The following KLRG1 variants were observed in gnomAD, a reference collection of about 807,000 sequenced individuals.
KLRG1 encodes killer cell lectin like receptor G1.
Under a neutral mutation model 21.8 loss-of-function variants are expected in KLRG1, and 16 were observed. The observed-to-expected ratio is 0.73, with a 90% CI of 0.50 to 1.11. KLRG1 has a LOEUF of 1.11. KLRG1 is among the 50% of genes most tolerant of loss of function. The pLI is 0.00. For missense variants in KLRG1, 173 were observed against 218.3 expected (o/e 0.79, Z 1.31); for synonymous variants, 69 against 75.9 (o/e 0.91, Z 0.47).
chr12:9,169,674 A>G, the KLRG1 span: 1 of 1,296,682 alleles, frequency 7.7e-7, no homozygotes, highest in Non-Finnish European at 1.0e-6. Context: ...TAAAATAATT[A>G]TCACCAATCT....
chr12:9,036,161 G>A, the KLRG1 span, among the ~76,000 whole-genome samples: 1 of 152,114 alleles, frequency 6.6e-6, no homozygotes, highest in African/African-American at 2.4e-5. Flanking sequence ...AACACAAAAA[G>A]GAAAAAGTTT....
the KLRG1 span, among the ~76,000 whole-genome samples, chr12:9,187,098 A>T: frequency 2.0e-5 from 3 of 149,578 alleles, no homozygotes; most frequent in Non-Finnish European, 4.5e-5. Context: ...AAAAAAGACA[A>T]GAGAATTGCA....
chr12:9,067,981 A>G, the KLRG1 span: 1 of 979,322 alleles, frequency 1.0e-6, no homozygotes, highest in Non-Finnish European at 1.6e-6. Flanking sequence ...CCAAATCATT[A>G]CCCATAAGCA....
At chr12:9,130,584 T>C in the KLRG1 span, among the ~76,000 whole-genome samples, 1 of 152,236 alleles carries the variant, frequency 6.6e-6, no homozygotes, top group Non-Finnish European at 1.5e-5. Flanking sequence ...TTATTAGCCA[T>C]TTGTATATAT....
At chr12:9,161,035 A>G in the KLRG1 span, 2 of 1,579,904 alleles carry the variant, frequency 1.3e-6, no homozygotes, top group East Asian at 4.5e-5. Flanking sequence ...TGACTCACCC[A>G]GAACTGAGAA....
chr12:9,124,317 G>A, the KLRG1 span, among the ~76,000 whole-genome samples: 2 of 152,192 alleles, frequency 1.3e-5, no homozygotes, highest in Non-Finnish European at 2.9e-5. Context: ...TGGGGCCAGA[G>A]CTCCCCGGTG....
At chr12:8,998,479 A>G (rs899024049) in intron 3 of KLRG1, among the ~76,000 whole-genome samples, 3 of 152,016 alleles carry the variant, frequency 2.0e-5, no homozygotes, top group Non-Finnish European at 4.4e-5. Context: ...GCTTGAACCC[A>G]GAATTCAAGA....
chr12:9,074,095 A>G, the KLRG1 span, among the ~76,000 whole-genome samples: 2 of 151,668 alleles, frequency 1.3e-5, no homozygotes, highest in African/African-American at 4.8e-5. Flanking sequence ...CTTAAAAAAA[A>G]AAAAAAAAAA....
At chr12:9,016,649 G>C in the KLRG1 span, among the ~76,000 whole-genome samples, 1 of 152,142 alleles carries the variant, frequency 6.6e-6, no homozygotes, top group Non-Finnish European at 1.5e-5. Flanking sequence ...GTCTTGCTTT[G>C]TTGCCCAGGC....
chr12:9,086,290 G>A, the KLRG1 span, among the ~76,000 whole-genome samples: 1 of 152,130 alleles, frequency 6.6e-6, no homozygotes, highest in Non-Finnish European at 1.5e-5. Context: ...ACCTGTGGGT[G>A]GCTGAGGTGG....
Position 8,992,261 on chromosome 12 carries a change from G to T in KLRG1, c.138G>T (p.Leu46=). 6.2e-7 allele frequency: 1 copy of T among 1,613,904 alleles called. No homozygotes were observed. The highest frequency in any genetic ancestry group is 1.1e-5 in the South Asian group (1 of 91,014). ...TTGTGGCAATAGCTTTGGGGCTTCT[G>T]ACTGCAGTTCTTCTGAGTGTGCTGC... ...SCLVAIALGL[L]TAVLLSVLLY... is the part of the protein sequence containing the mutation. The change falls in exon 2 of 5, where the codon CTG becomes CTT. Residue 46 remains leucine (L), a synonymous_variant. Transcript: ENST00000356986.
chr12:9,073,263 A>G, the KLRG1 span, among the ~76,000 whole-genome samples: 15 of 152,218 alleles, frequency 9.9e-5, no homozygotes, highest in African/African-American at 3.6e-4. Flanking sequence ...GCTCTCTCCC[A>G]TATTAAACTT....
At chr12:9,051,827 A>G in the KLRG1 span, among the ~76,000 whole-genome samples, 6 of 152,218 alleles carry the variant, frequency 3.9e-5, no homozygotes, top group South Asian at 2.1e-4. Flanking sequence ...ATAGGCCCCA[A>G]TTGAGAACTG....
At chr12:9,012,777 C>T (rs957950384), downstream of KLRG1, among the ~76,000 whole-genome samples, 20 of 151,904 alleles carry the variant, frequency 1.3e-4, no homozygotes, top group African/African-American at 4.8e-4. Flanking sequence ...GGGAGGGAGC[C>T]CATTGCCCTG....
chr12:9,157,199 G>A, the KLRG1 span: 2 of 1,613,854 alleles, frequency 1.2e-6, no homozygotes, highest in Non-Finnish European at 1.7e-6. Flanking sequence ...TCCTTATCAA[G>A]TGAGTTCAGT....
chr12:9,194,379 C>A, the KLRG1 span: 3 of 632,252 alleles, frequency 4.7e-6, no homozygotes, highest in Admixed American at 3.0e-5. Context: ...ATATTTACGA[C>A]AAAATGTTTC....
At chr12:9,043,358 A>T in the KLRG1 span, among the ~76,000 whole-genome samples, 1 of 152,308 alleles carries the variant, frequency 6.6e-6, no homozygotes, top group East Asian at 1.9e-4. Context: ...GATTACAGGC[A>T]TAAGCCACCA....
the KLRG1 span, among the ~76,000 whole-genome samples, chr12:9,156,824 T>C: frequency 2.0e-5 from 3 of 152,334 alleles, no homozygotes; most frequent in African/African-American, 7.2e-5. Flanking sequence ...GTAGAATCAG[T>C]GTAAATGGAA....
At chr12:9,164,000 A>G in the KLRG1 span, 3 of 1,311,082 alleles carry the variant, frequency 2.3e-6, no homozygotes, top group Non-Finnish European at 3.1e-6. Flanking sequence ...GTCATAGTGG[A>G]TAGAAATAGG....
Sources: gnomAD v4.1 joint callset for allele counts (sites outside exome capture counted in the v4.1 genomes callset) on GRCh38, gnomAD v4.1.1 for gene constraint, MANE v1.5 for transcripts, NCBI Gene and HGNC (gene_info 2026-07-23, HGNC 2026-07-21) for gene names.